Variants in PCDHA1 observed in about 807,000 individuals in gnomAD.
The protein encoded by PCDHA1 is protocadherin alpha 1, also known as protocadherin alpha-1.
Under a neutral mutation model 61.3 loss-of-function variants are expected in PCDHA1, and 42 were observed. The ratio of observed to expected loss-of-function variants is 0.69; its 90% CI spans 0.54 to 0.89. The LOEUF is 0.89. Ranked by LOEUF, PCDHA1 falls within the 40% of genes least tolerant of loss-of-function variation. The pLI is 0.00. For missense variants in PCDHA1, 1,256 were observed against 1,235.3 expected, an observed-to-expected ratio of 1.02 and a Z score of -0.25; for synonymous variants, 610 against 553.8, an observed-to-expected ratio of 1.10 and a Z score of -1.43.
chr5:140,807,673 C>G (rs1764003393), intron 1 of PCDHA1: 1 of 1,614,182 alleles, frequency 6.2e-7, no homozygotes, highest in Non-Finnish European at 8.5e-7. Context: ...ATGCAGATAT[C>G]GGGGAGAACG....
Position 140,822,954 on chromosome 5 carries a change from C to A in PCDHA1, c.2394+34270C>A, listed in dbSNP as rs1554128965. ...CCTGCTCCCTAATGCCCCACGTTCC[C>A]TTCAAGCTGGTGTCCACCTTCAAGA... On this transcript the variant is annotated intron_variant, in intron 1 of 3. Coordinates refer to ENST00000504120, the MANE Select transcript of PCDHA1 (RefSeq NM_018900.4). The A allele has an allele frequency of 2.5e-6, 4 of 1,614,140 alleles. No individual in the cohort carries two copies. In the East Asian group the frequency reaches 8.9e-5, roughly 36 times the overall value.
chr5:140,943,679 A>C (rs973228943), intron 1 of PCDHA1, among the ~76,000 whole-genome samples: 3 of 152,248 alleles, frequency 2.0e-5, no homozygotes, highest in African/African-American at 7.2e-5. Context: ...TGTGAAAAAA[A>C]GGGATAAGGT....
chr5:140,884,168 A>G (rs1562800814), intron 1 of PCDHA1: 1 of 1,613,300 alleles, frequency 6.2e-7, no homozygotes, highest in South Asian at 1.1e-5. Context: ...GATCAGCACG[A>G]CGCGCCCTCT....
At chr5:140,861,660 G>C (rs1410564922) in intron 1 of PCDHA1, 1 of 269,190 alleles carries the variant, frequency 3.7e-6, no homozygotes, top group Admixed American at 4.3e-5. Context: ...TCTGAAACGA[G>C]AGCTCTTGAT....
At chr5:140,957,871 G>C (rs1312915058) in intron 1 of PCDHA1, among the ~76,000 whole-genome samples, 1 of 151,864 alleles carries the variant, frequency 6.6e-6, no homozygotes, top group African/African-American at 2.4e-5. Flanking sequence ...CCTATTTTGT[G>C]CTGAAAAGCT....
chr5:140,929,124 C>A (rs2085843450), intron 1 of PCDHA1: 5 of 1,614,048 alleles, frequency 3.1e-6, no homozygotes, highest in Admixed American at 3.3e-5. Context: ...CCATAGATGT[C>A]ACTACAGTTG....
At chr5:140,800,968 A>T in intron 1 of PCDHA1, 1 of 1,214,706 alleles carries the variant, frequency 8.2e-7, no homozygotes, top group Non-Finnish European at 1.1e-6. Context: ...AAAAGAAGAT[A>T]CGTTTACATA....
At chr5:140,903,470 C>T (rs1425928113) in intron 1 of PCDHA1, among the ~76,000 whole-genome samples, 2 of 152,140 alleles carry the variant, frequency 1.3e-5, no homozygotes, top group Non-Finnish European at 2.9e-5. Context: ...AATATTATTC[C>T]TTGCATTATA....
intron 1 of PCDHA1, among the ~76,000 whole-genome samples, chr5:140,898,222 T>G (rs1373386970): frequency 1.3e-5 from 2 of 152,230 alleles, no homozygotes; most frequent in Non-Finnish European, 2.9e-5. Flanking sequence ...TTTTGGCTTT[T>G]GTTGCCATTG....
chr5:140,887,361 G>T (rs2061424710), intron 1 of PCDHA1, among the ~76,000 whole-genome samples: 1 of 152,144 alleles, frequency 6.6e-6, no homozygotes, highest in South Asian at 2.1e-4. Flanking sequence ...CTCCCAAAGT[G>T]CTGGGATTAC....
At chr5:140,875,790 G>A (rs376091049) in intron 1 of PCDHA1, 1 of 1,614,214 alleles carries the variant, frequency 6.2e-7, no homozygotes, top group Non-Finnish European at 8.5e-7. Flanking sequence ...GTATCCACCT[G>A]GAGGTGATCG....
In PCDHA1 at chr5:140,858,841, A is replaced by G. The variant is rs1390112804; in HGVS notation, c.2394+70157A>G. The G allele has an allele frequency of 1.6e-5, 5 of 314,504 alleles. No homozygotes were observed. The East Asian group carries it at 3.7e-4, about 23-fold the overall frequency. 19.5% of individuals were successfully genotyped at this position (314,504 alleles called of 1,614,324 possible). A position where few individuals can be genotyped will look rare whatever the true frequency, so the allele number is the denominator to read the frequency against. ...TGTATTTGCATTACCAAAAAATTCC[A>G]CTGATCTATATCTCTTCAGTGAAAA... On this transcript the variant is annotated intron_variant, in intron 1 of 3. Coordinates refer to ENST00000504120, the MANE Select transcript of PCDHA1 (RefSeq NM_018900.4).
At chr5:140,851,327 T>C in intron 1 of PCDHA1, 1 of 984,006 alleles carries the variant, frequency 1.0e-6, no homozygotes, top group East Asian at 8.4e-5. Context: ...GTTAAGTTTG[T>C]AGTTCTCTAC....
chr5:140,970,967 G>C (rs2096448125), intron 1 of PCDHA1, among the ~76,000 whole-genome samples: 2 of 152,206 alleles, frequency 1.3e-5, no homozygotes, highest in Non-Finnish European at 2.9e-5. Context: ...GCAGATTGTA[G>C]ATTAAGAAAA....
At chr5:140,808,398 A>C (rs781853303) in intron 1 of PCDHA1, 1 of 1,614,148 alleles carries the variant, frequency 6.2e-7, no homozygotes, top group South Asian at 1.1e-5. Flanking sequence ...TTCAAGAATT[A>C]CTACTCGTTG....
intron 1 of PCDHA1, among the ~76,000 whole-genome samples, chr5:140,942,587 CAT>C (rs2093330311): frequency 6.7e-6 from 1 of 148,732 alleles, no homozygotes; most frequent in East Asian, 2.0e-4. Flanking sequence ...TAGGATGTCA[CAT>C]ATAATTATAG....
chr5:140,829,000 G>A, intron 1 of PCDHA1: 1 of 1,613,886 alleles, frequency 6.2e-7, no homozygotes, highest in Non-Finnish European at 8.5e-7. Context: ...GAGAAATAGT[G>A]ATTCGGGGTA....
intron 1 of PCDHA1, chr5:140,928,252 G>C (rs1377533547): frequency 2.5e-6 from 4 of 1,614,208 alleles, no homozygotes; most frequent in Non-Finnish European, 3.4e-6. Flanking sequence ...GGAACTTTTC[G>C]TTGCTGAAAA....
rs146587864 is a variant in PCDHA1 at position 140,950,030 on chromosome 5, A to G, written c.2395-28919A>G. Among the ~76,000 whole-genome samples the G allele has an allele frequency of 2.6e-4, 39 of 152,064 alleles. 1 individual carries two copies. The East Asian group carries it at 4.8e-3, about 19-fold the overall frequency. On this transcript the variant is annotated intron_variant, in intron 1 of 3. Transcript: ENST00000504120. ...TGTACAACCTTCATAAAATATAGAA[A>G]AGTTACAACCATATAAGACTATTTA...
Sources: gnomAD v4.1 joint callset for allele counts (sites outside exome capture counted in the v4.1 genomes callset) on GRCh38, gnomAD v4.1.1 for gene constraint, MANE v1.5 for transcripts, NCBI Gene and HGNC (gene_info 2026-07-23, HGNC 2026-07-21) for gene names.